The following ANKUB1 variants were observed in gnomAD, a reference collection of about 807,000 sequenced individuals.
The protein encoded by ANKUB1 is protein ANKUB1.
In ANKUB1, 42 loss-of-function variants were observed where a neutral mutation model predicts 49.3. That is an observed-to-expected ratio of 0.85 (90% CI 0.67 to 1.10). ANKUB1 has a LOEUF of 1.10. Among genes scored for constraint, ANKUB1 ranks in the 50% least tolerant of loss-of-function variants. ANKUB1 has a pLI of 0.00. For synonymous variants in ANKUB1, 222 were observed against 231.0 expected (o/e 0.96, Z 0.35); for missense variants, 613 against 642.0 (o/e 0.95, Z 0.49).
At chr3:149,763,836 T>C (rs1474939099) in intron 5 of ANKUB1, 2 of 449,398 alleles carry the variant, frequency 4.5e-6, no homozygotes, top group East Asian at 1.4e-4. Context: ...ACATTAGCGC[T>C]TGATCTGTGT....
intron 3 of ANKUB1, among the ~76,000 whole-genome samples, chr3:149,777,033 A>G (rs1328463581): frequency 6.6e-6 from 1 of 151,802 alleles, no homozygotes; most frequent in African/African-American, 2.4e-5. Context: ...TCTGTGTTTC[A>G]CAGATTTGTC....
intron 3 of ANKUB1, chr3:149,778,324 G>A (rs1281131575): frequency 6.6e-6 from 1 of 152,158 alleles, no homozygotes; most frequent in Non-Finnish European, 1.5e-5. Context: ...CCTACTCCCA[G>A]AGGGTCATTT....
intron 2 of ANKUB1, among the ~76,000 whole-genome samples, chr3:149,789,207 C>T (rs1425294809): frequency 6.6e-6 from 1 of 152,026 alleles, no homozygotes; most frequent in East Asian, 1.9e-4. Flanking sequence ...TAAAAGTATC[C>T]TATCCATACT....
At chr3:149,764,222 G>T (rs1716893933) in intron 5 of ANKUB1, among the ~76,000 whole-genome samples, 1 of 152,148 alleles carries the variant, frequency 6.6e-6, no homozygotes, top group Admixed American at 6.5e-5. Flanking sequence ...TGCCTTGACT[G>T]TCTACTTCAG....
At chr3:149,770,458 C>A in intron 4 of ANKUB1, 102 bp downstream of exon 4, 1 of 806,618 alleles carries the variant, frequency 1.2e-6, no homozygotes, top group African/African-American at 1.8e-5. Flanking sequence ...CATAGAGCAG[C>A]ACCCCAGCTG....
chr3:149,771,150 C>A (rs1717342623), intron 3 of ANKUB1, among the ~76,000 whole-genome samples: 1 of 152,224 alleles, frequency 6.6e-6, no homozygotes, highest in Non-Finnish European at 1.5e-5. Flanking sequence ...TTCTCCGTTA[C>A]AAACATTAAA....
At chr3:149,774,279 GTCATTCAT>G (rs3973945) in intron 3 of ANKUB1, among the ~76,000 whole-genome samples, 2 of 151,176 alleles carry the variant, frequency 1.3e-5, no homozygotes, top group African/African-American at 4.9e-5. Context: ...TGCCTCTTTT[GTCATTCAT>G]TCATTCATTC....
chr3:149,784,501 A>C (rs1313991530), intron 2 of ANKUB1, among the ~76,000 whole-genome samples: 1 of 152,184 alleles, frequency 6.6e-6, no homozygotes, highest in African/African-American at 2.4e-5. Context: ...GGCTGGCAGC[A>C]TGTCCAGTGC....
intron 2 of ANKUB1, among the ~76,000 whole-genome samples, chr3:149,787,313 G>A (rs1718150335): frequency 6.6e-6 from 1 of 151,942 alleles, no homozygotes; most frequent in Admixed American, 6.6e-5. Flanking sequence ...GGATTCCTAG[G>A]TATTTTATTC....
chr3:149,775,904 C>T (rs919192864), intron 3 of ANKUB1, among the ~76,000 whole-genome samples: 11 of 150,164 alleles, frequency 7.3e-5, no homozygotes, highest in East Asian at 3.9e-4. Context: ...TGTGTGTGTG[C>T]GTGTGTGTGT....
At chr3:149,776,998 C>A (rs959334628) in intron 3 of ANKUB1, among the ~76,000 whole-genome samples, 1 of 151,586 alleles carries the variant, frequency 6.6e-6, no homozygotes, top group African/African-American at 2.4e-5. Flanking sequence ...AGTGATCTAG[C>A]ATGATGTTCT....
chr3:149,779,379 A>C (rs1409098222), intron 3 of ANKUB1: 2 of 152,046 alleles, frequency 1.3e-5, no homozygotes, highest in Admixed American at 1.3e-4. Context: ...TATGTTGCCT[A>C]GGCTGGTCTT....
intron 2 of ANKUB1, among the ~76,000 whole-genome samples, chr3:149,782,295 A>C (rs183101453): frequency 1.3e-5 from 2 of 152,068 alleles, no homozygotes; most frequent in Non-Finnish European, 2.9e-5. Flanking sequence ...AGGGCTCACT[A>C]TGTTGCCCAG....
intron 3 of ANKUB1, among the ~76,000 whole-genome samples, chr3:149,774,274 C>T (rs1214253124): frequency 7.1e-6 from 1 of 139,940 alleles, no homozygotes; most frequent in Non-Finnish European, 1.5e-5. Context: ...TTTCCTGCCT[C>T]TTTTGTCATT....
intron 2 of ANKUB1, among the ~76,000 whole-genome samples, chr3:149,787,591 A>G (rs1005625232): frequency 7.9e-5 from 12 of 152,320 alleles, no homozygotes; most frequent in African/African-American, 2.9e-4. Flanking sequence ...CCCTGGCCAG[A>G]ACTTCCAACA....
intron 4 of ANKUB1, among the ~76,000 whole-genome samples, chr3:149,769,573 T>G (rs1717233113): frequency 6.6e-6 from 1 of 152,214 alleles, no homozygotes; most frequent in Non-Finnish European, 1.5e-5. Context: ...ACACCTAATC[T>G]ACTGAACATC....
At chr3:149,765,798 T>C (rs1447646333) in intron 5 of ANKUB1, among the ~76,000 whole-genome samples, 1 of 152,244 alleles carries the variant, frequency 6.6e-6, no homozygotes, top group Non-Finnish European at 1.5e-5. Context: ...TGGTGATCTC[T>C]TTTTATACAT....
intron 5 of ANKUB1, among the ~76,000 whole-genome samples, chr3:149,762,933 A>G (rs1273839947): frequency 6.6e-6 from 1 of 152,176 alleles, no homozygotes; most frequent in Admixed American, 6.5e-5. Context: ...GCCTTTGACC[A>G]TGTTACTAGC....
At position 149,790,852 on chromosome 3, in the gene ANKUB1, C is replaced by A. The variant is rs1234914385; in HGVS notation, c.163G>T (p.Ala55Ser). 9.0e-6 allele frequency: 14 copies of A among 1,551,964 alleles called. No homozygotes were observed. The highest frequency in any genetic ancestry group is 1.2e-5 in the Non-Finnish European group (14 of 1,146,998). Residue 55 changes from alanine to serine, a missense_variant, in exon 2 of 6, where the codon GCT (alanine) becomes TCT (serine). Ala to Ser is a moderately conservative substitution (Grantham distance 99). Transcript: ENST00000446160. ...GCAAGACTCCAACTGTCCTTTAGAG[C>A]AGCTCCAGCATACATTAACTCCAGA... ...RYLELMYAGAALKDSWSLADV... is the reference protein window; with the variant it reads ...RYLELMYAGASLKDSWSLADV...
Sources: gnomAD v4.1 joint callset for allele counts (sites outside exome capture counted in the v4.1 genomes callset) on GRCh38, gnomAD v4.1.1 for gene constraint, MANE v1.5 for transcripts, NCBI Gene and HGNC (gene_info 2026-07-23, HGNC 2026-07-21) for gene names.